The following LRP1B variants were observed in gnomAD, a reference collection of about 807,000 sequenced individuals.
The protein encoded by LRP1B is low-density lipoprotein receptor-related protein 1B.
A neutral mutation model predicts 556.6 loss-of-function variants in LRP1B; 217 were observed. That is an observed-to-expected ratio of 0.39 (90% CI 0.35 to 0.44). The LOEUF (loss-of-function observed/expected upper bound fraction) is 0.44, where lower values mean the gene tolerates loss of function less well. Among genes scored for constraint, LRP1B ranks in the 20% least tolerant of loss-of-function variants. The pLI, the probability that LRP1B is intolerant of heterozygous loss-of-function variation, is 1.00. For missense variants in LRP1B, 5,053 were observed against 5,620.8 expected (o/e 0.90, Z 3.23); for synonymous variants, 2,047 against 1,865.8 (o/e 1.10, Z -2.50).
chr2:140,738,399 C>CT (rs1355516503), intron 35 of LRP1B, among the ~76,000 whole-genome samples: 4 of 152,106 alleles, frequency 2.6e-5, no homozygotes, highest in Non-Finnish European at 5.9e-5. Context: ...AGAGACAGAT[C>CT]TGTGTGGCAC....
Position 142,070,154 on chromosome 2 carries a change from T to C in LRP1B, c.82+60494A>G, listed in dbSNP as rs1013456120. On this transcript the variant is annotated intron_variant, in intron 1 of 90. Transcript: ENST00000389484. ...ATAAAACTCTTCTTTTTCATTTAGG[T>C]TTGTTCTTTAAGGCAAACGGTCCAG... 8.6e-5 allele frequency among the ~76,000 whole-genome samples: 13 copies of C among 151,718 alleles called. No individual in the cohort carries two copies. The South Asian group carries it at 2.3e-3, about 27-fold the overall frequency.
intron 5 of LRP1B, 101 bp downstream of exon 5, chr2:141,247,125 C>T (rs919200522): frequency 7.4e-7 from 1 of 1,345,266 alleles, no homozygotes; most frequent in Admixed American, 1.9e-5. Flanking sequence ...TCTCTCTCTT[C>T]AAAGTCCATA....
At chr2:140,959,971 G>C (rs1695985801) in intron 18 of LRP1B, among the ~76,000 whole-genome samples, 1 of 151,458 alleles carries the variant, frequency 6.6e-6, no homozygotes, top group Admixed American at 6.6e-5. Flanking sequence ...AGGTTGCCTG[G>C]GGTACTTTTC....
At chr2:141,331,522 C>CTTTTCTTTCTTTCTTTCTT (rs10694161) in intron 3 of LRP1B, among the ~76,000 whole-genome samples, 3 of 140,822 alleles carry the variant, frequency 2.1e-5, no homozygotes, top group South Asian at 2.2e-4. Flanking sequence ...TTCTTTCTTT[C>CTTTTCTTTCTTTCTTTCTT]TCTTTCTTTC....
chr2:141,642,153 C>A (rs1164620352), intron 2 of LRP1B, among the ~76,000 whole-genome samples: 2 of 152,100 alleles, frequency 1.3e-5, no homozygotes, highest in Admixed American at 6.6e-5. Context: ...ATGCTATGAC[C>A]TTCCAGTTGT....
At chr2:140,434,232 G>A (rs1171325827) in intron 66 of LRP1B, among the ~76,000 whole-genome samples, 1 of 151,946 alleles carries the variant, frequency 6.6e-6, no homozygotes, top group Non-Finnish European at 1.5e-5. Context: ...ACCATGCCCA[G>A]CTAATTTTTG....
At chr2:142,067,039 T>C (rs1705133205) in intron 1 of LRP1B, among the ~76,000 whole-genome samples, 1 of 151,494 alleles carries the variant, frequency 6.6e-6, no homozygotes, top group Non-Finnish European at 1.5e-5. Flanking sequence ...CATAGATCTC[T>C]CCTGTCTTCA....
At chr2:140,613,358 TATATAA>T (rs936730815) in intron 41 of LRP1B, among the ~76,000 whole-genome samples, 2 of 130,764 alleles carry the variant, frequency 1.5e-5, no homozygotes, top group South Asian at 2.2e-4. Flanking sequence ...TATAAATAAT[TATATAA>T]ATATAAATAT....
chr2:141,156,074 A>T (rs1216477677), intron 7 of LRP1B, among the ~76,000 whole-genome samples: 2 of 152,190 alleles, frequency 1.3e-5, no homozygotes, highest in South Asian at 2.1e-4. Context: ...ACCATAGCTG[A>T]TAAAACTGTA....
chr2:141,965,991 G>T (rs981961930), intron 1 of LRP1B, among the ~76,000 whole-genome samples: 1 of 151,630 alleles, frequency 6.6e-6, no homozygotes, highest in Non-Finnish European at 1.5e-5. Flanking sequence ...CCACCAACTA[G>T]CACCTTTCTT....
intron 83 of LRP1B, among the ~76,000 whole-genome samples, chr2:140,300,384 T>G (rs2105006122): frequency 6.6e-6 from 1 of 152,268 alleles, no homozygotes; most frequent in Non-Finnish European, 1.5e-5. Flanking sequence ...AGGTGCACCC[T>G]AAGACGTTGG....
chr2:141,597,173 C>CAT (rs1036585618), intron 2 of LRP1B, among the ~76,000 whole-genome samples: 2 of 151,914 alleles, frequency 1.3e-5, no homozygotes, highest in African/African-American at 4.8e-5. Flanking sequence ...TCCTACTGCC[C>CAT]ATGTCAACCA....
intron 3 of LRP1B, among the ~76,000 whole-genome samples, chr2:141,353,173 A>G (rs987099213): frequency 6.6e-6 from 1 of 151,992 alleles, no homozygotes; most frequent in Non-Finnish European, 1.5e-5. Flanking sequence ...GGTTGGGGTC[A>G]TAGGACTGGG....
intron 1 of LRP1B, among the ~76,000 whole-genome samples, chr2:141,947,440 AAAAT>A (rs1016720724): frequency 7.2e-5 from 11 of 152,104 alleles, no homozygotes; most frequent in Admixed American, 4.6e-4. Flanking sequence ...CATCTCAAAA[AAAAT>A]AAATAAATAA....
At chr2:141,517,240 T>C (rs1182714766) in intron 2 of LRP1B, among the ~76,000 whole-genome samples, 1 of 13,332 alleles carries the variant, frequency 7.5e-5, no homozygotes, top group East Asian at 5.3e-3. Flanking sequence ...AGATTGACCA[T>C]GTCTTAGAAG....
chr2:141,724,535 C>T (rs1692957148), intron 2 of LRP1B, among the ~76,000 whole-genome samples: 1 of 151,900 alleles, frequency 6.6e-6, no homozygotes, highest in Admixed American at 6.6e-5. Flanking sequence ...TATTACAATA[C>T]AGATGATATC....
chr2:140,271,533 GTGTAGCTACTGGAAA>G (rs1263333975), intron 85 of LRP1B, among the ~76,000 whole-genome samples: 9 of 151,958 alleles, frequency 5.9e-5, no homozygotes, highest in Non-Finnish European at 1.3e-4. Context: ...CATGTGGGTT[GTGTAGCTACTGGAAA>G]TGCCCTCAAC....
chr2:140,362,388 G>A (rs1682552377), intron 72 of LRP1B, among the ~76,000 whole-genome samples: 1 of 151,736 alleles, frequency 6.6e-6, no homozygotes, highest in Non-Finnish European at 1.5e-5. Flanking sequence ...TTATGACAGT[G>A]TGAAAGCAAT....
chr2:140,554,884 GTA>G (rs373738233), intron 43 of LRP1B, among the ~76,000 whole-genome samples: 113 of 148,656 alleles, frequency 7.6e-4, no homozygotes, highest in Admixed American at 1.8e-3. Context: ...GTGTGTGTGT[GTA>G]TATGTATATG....
Sources: allele counts gnomAD v4.1 joint callset (sites outside exome capture counted in the v4.1 genomes callset), GRCh38; gene constraint gnomAD v4.1.1; transcripts MANE v1.5; gene names NCBI Gene and HGNC (gene_info 2026-07-23, HGNC 2026-07-21).